Variants in RCSD1 observed in about 807,000 individuals in gnomAD.
The protein encoded by RCSD1 is capZ-interacting protein.
In RCSD1, 26 loss-of-function variants were observed where a neutral mutation model predicts 42.5. The observed-to-expected ratio is 0.61, with a 90% CI of 0.45 to 0.85. The LOEUF is 0.85. RCSD1 is among the 40% of genes least tolerant of loss of function. The pLI, the probability that RCSD1 is intolerant of heterozygous loss-of-function variation, is 0.00. For missense variants in RCSD1, 571 were observed against 528.3 expected (o/e 1.08, Z -0.79); for synonymous variants, 220 against 212.2 (o/e 1.04, Z -0.32).
chr1:167,701,108 T>C (rs547106246), intron 6 of RCSD1, among the ~76,000 whole-genome samples: 1 of 151,964 alleles, frequency 6.6e-6, no homozygotes, highest in Non-Finnish European at 1.5e-5. Context: ...CCCAGCAACC[T>C]CAAGAGCACT....
chr1:167,671,391 C>A (rs1658803030), intron 1 of RCSD1, among the ~76,000 whole-genome samples: 1 of 152,212 alleles, frequency 6.6e-6, no homozygotes, highest in Non-Finnish European at 1.5e-5. Context: ...TCCTTTCAGC[C>A]ATCCCATTGC....
intron 1 of RCSD1, among the ~76,000 whole-genome samples, chr1:167,677,201 G>T (rs1261482348): frequency 6.6e-6 from 1 of 152,086 alleles, no homozygotes; most frequent in Non-Finnish European, 1.5e-5. Flanking sequence ...CCTGAAAAAG[G>T]CTGTTCACTC....
intron 1 of RCSD1, among the ~76,000 whole-genome samples, chr1:167,681,469 A>T (rs1659080420): frequency 6.6e-6 from 1 of 152,212 alleles, no homozygotes; most frequent in East Asian, 1.9e-4. Context: ...CTCCAGGAAA[A>T]CAAACTCAGA....
intron 1 of RCSD1, among the ~76,000 whole-genome samples, chr1:167,665,600 G>T (rs1658638413): frequency 6.6e-6 from 1 of 152,158 alleles, no homozygotes; most frequent in Non-Finnish European, 1.5e-5. Context: ...GAGTGATCCA[G>T]TTGTTCTGCA....
At chr1:167,657,891 GCACACACACA>G (rs36021344) in intron 1 of RCSD1, among the ~76,000 whole-genome samples, 1 of 148,270 alleles carries the variant, frequency 6.7e-6, no homozygotes, top group African/African-American at 2.5e-5. Flanking sequence ...GTTTACTCAT[GCACACACACA>G]CACACACACA....
At chr1:167,649,555 C>G (rs1337982342) in intron 1 of RCSD1, among the ~76,000 whole-genome samples, 2 of 152,132 alleles carry the variant, frequency 1.3e-5, no homozygotes, top group Non-Finnish European at 2.9e-5. Context: ...AGTTACATAA[C>G]CAGACTTGAA....
At chr1:167,698,463 C>G (rs373909811) in intron 6 of RCSD1, among the ~76,000 whole-genome samples, 2 of 152,148 alleles carry the variant, frequency 1.3e-5, no homozygotes, top group East Asian at 3.8e-4. Context: ...GACGTTCACT[C>G]TCTCTCAGGG....
chr1:167,663,695 A>G (rs1658590822), intron 1 of RCSD1: 1 of 152,290 alleles, frequency 6.6e-6, no homozygotes, highest in Admixed American at 6.5e-5. Flanking sequence ...TGACTTGGCA[A>G]CAGCAGATCC....
chr1:167,679,840 A>T (rs1659037206), intron 1 of RCSD1, among the ~76,000 whole-genome samples: 1 of 152,232 alleles, frequency 6.6e-6, no homozygotes, highest in African/African-American at 2.4e-5. Flanking sequence ...GGTAGAGCCT[A>T]GTCTGGCCTG....
In RCSD1 at chr1:167,685,474, C is replaced by T. The variant is rs144007158; in HGVS notation, c.162C>T (p.Phe54=). 727 of 1,613,416 alleles carry T rather than the reference C, an allele frequency of 4.5e-4. No individual in the cohort carries two copies. Among genetic ancestry groups the T allele is most frequent in the Non-Finnish European group, 5.8e-4 (687 of 1,179,660 alleles). ...RRKPPCSLPL[F]PPKVDLGQNG... ...AACCGCCCTGTTCCCTCCCCCTGTTCCCCCCCAAGGTAGACCTGGGCCAGA... is the reference window on the plus strand; with the variant it reads ...AACCGCCCTGTTCCCTCCCCCTGTTTCCCCCCAAGGTAGACCTGGGCCAGA... The change falls in exon 3 of 7, where the codon TTC becomes TTT. Residue 54 remains phenylalanine, a synonymous_variant. Coordinates refer to ENST00000367854, the MANE Select transcript of RCSD1 (RefSeq NM_052862.4).
chr1:167,631,320 G>A (rs116466498), intron 1 of RCSD1, among the ~76,000 whole-genome samples: 1,554 of 152,294 alleles, frequency 0.01, 32 homozygotes, highest in African/African-American at 0.036. Context: ...AGGACCTGGG[G>A]CTTTTGAGAA....
chr1:167,672,984 A>AGGTATT (rs1008133103), intron 1 of RCSD1, among the ~76,000 whole-genome samples: 10 of 152,120 alleles, frequency 6.6e-5, no homozygotes, highest in African/African-American at 2.4e-4. Flanking sequence ...TAGGTAAGGC[A>AGGTATT]GGTATTTTGA....
At chr1:167,701,512 G>A (rs1174810245) in intron 6 of RCSD1, among the ~76,000 whole-genome samples, 4 of 151,848 alleles carry the variant, frequency 2.6e-5, no homozygotes, top group South Asian at 2.1e-4. Context: ...CACCATATTG[G>A]CCAGGCTGGT....
intron 1 of RCSD1, among the ~76,000 whole-genome samples, chr1:167,644,096 G>A (rs1658070135): frequency 6.6e-6 from 1 of 152,190 alleles, no homozygotes; most frequent in South Asian, 2.1e-4. Context: ...GAGACTAGGG[G>A]AGGCTTGGGC....
intron 1 of RCSD1, among the ~76,000 whole-genome samples, chr1:167,674,730 G>T (rs1275202555): frequency 6.6e-6 from 1 of 152,102 alleles, no homozygotes; most frequent in African/African-American, 2.4e-5. Flanking sequence ...CATAATATGT[G>T]GTCTTTTGTG....
In RCSD1 at chr1:167,694,294, T is replaced by C. The variant is rs770643145; in HGVS notation, c.466T>C (p.Tyr156His). The change falls in exon 5 of 7, where the codon TAC becomes CAC. Residue 156 changes from tyrosine (Y) to histidine (H), a missense_variant. By Grantham distance (83) the Tyr-to-His change is moderately conservative (BLOSUM62 2). Coordinates refer to ENST00000367854, the MANE Select transcript of RCSD1 (RefSeq NM_052862.4). ...QPPEGSHLPC[Y>H]NKVRTRGSIK... is the part of the protein sequence containing the mutation. ...CCCTGAAGGCAGTCATCTGCCCTGT[T>C]ACAACAAGGTAAATTCTAGCTCCAG... 1 of 1,613,932 alleles carries C rather than the reference T, an allele frequency of 6.2e-7. No individual in the cohort carries two copies. The highest frequency in any genetic ancestry group is 2.2e-5 in the East Asian group (1 of 44,868).
chr1:167,641,107 A>G (rs1257446658), intron 1 of RCSD1, among the ~76,000 whole-genome samples: 1 of 152,140 alleles, frequency 6.6e-6, no homozygotes, highest in East Asian at 1.9e-4. Flanking sequence ...CCATACCCCT[A>G]GTGCCTGGGT....
chr1:167,694,398 G>A (rs925552715), intron 5 of RCSD1, 96 bp downstream of exon 5: 1 of 1,176,654 alleles, frequency 8.5e-7, no homozygotes, highest in South Asian at 1.4e-5. Context: ...GAGAAAGGAG[G>A]AAACATTCGG....
chr1:167,639,498 G>A (rs1447444952), intron 1 of RCSD1, among the ~76,000 whole-genome samples: 1 of 150,112 alleles, frequency 6.7e-6, no homozygotes, highest in South Asian at 2.1e-4. Flanking sequence ...TTTTTTCTTT[G>A]TTTGTTTGTT....
Sources: gnomAD v4.1 joint callset for allele counts (sites outside exome capture counted in the v4.1 genomes callset) on GRCh38, gnomAD v4.1.1 for gene constraint, MANE v1.5 for transcripts, NCBI Gene and HGNC (gene_info 2026-07-23, HGNC 2026-07-21) for gene names.